PTPRD: variants seen among roughly 807,000 people sequenced by gnomAD.
PTPRD encodes the protein receptor-type tyrosine-protein phosphatase delta.
In PTPRD, 34 loss-of-function variants were observed where a neutral mutation model predicts 214.5. The ratio of observed to expected loss-of-function variants is 0.16; its 90% CI spans 0.12 to 0.21. The LOEUF is 0.21. Ranked by LOEUF, PTPRD falls within the 10% of genes least tolerant of loss-of-function variation. The pLI, the probability that PTPRD is intolerant of heterozygous loss-of-function variation, is 1.00. For synonymous variants in PTPRD, 1,128 were observed against 845.7 expected (o/e 1.33, Z -5.79); for missense variants, 2,545 against 2,398.7 (o/e 1.06, Z -1.27).
At chr9:10,505,568 C>T (rs12682884) in intron 2 of PTPRD, among the ~76,000 whole-genome samples, 27,035 of 151,858 alleles carry the variant, frequency 0.18, 3,026 homozygotes, top group African/African-American at 0.31. Context: ...TGTTAGGAAA[C>T]ATCGGATTGC....
At chr9:8,712,610 C>T (rs947074821) in intron 12 of PTPRD, among the ~76,000 whole-genome samples, 7 of 152,196 alleles carry the variant, frequency 4.6e-5, no homozygotes, top group African/African-American at 1.7e-4. Flanking sequence ...ACAGGTAGTT[C>T]CAGCAGGGGA....
chr9:8,880,291 G>A (rs1047463481), intron 11 of PTPRD, among the ~76,000 whole-genome samples: 2 of 152,146 alleles, frequency 1.3e-5, no homozygotes, highest in African/African-American at 4.8e-5. Flanking sequence ...TGAGAGATAA[G>A]AAGGGATTGT....
At chr9:10,172,122 CA>C (rs1260747218) in intron 3 of PTPRD, among the ~76,000 whole-genome samples, 1 of 152,068 alleles carries the variant, frequency 6.6e-6, no homozygotes, top group Non-Finnish European at 1.5e-5. Flanking sequence ...CTTAAGGAGT[CA>C]AAATCTAAAG....
intron 3 of PTPRD, among the ~76,000 whole-genome samples, chr9:10,286,505 C>A (rs554663670): frequency 1.3e-5 from 2 of 152,020 alleles, no homozygotes; most frequent in African/African-American, 4.8e-5. Context: ...GCAAAAGGTT[C>A]TTAGCCTTAA....
intron 3 of PTPRD, among the ~76,000 whole-genome samples, chr9:10,321,086 A>C (rs891991456): frequency 2.0e-5 from 3 of 152,060 alleles, no homozygotes; most frequent in Admixed American, 2.0e-4. Flanking sequence ...TGGGTGGAAA[A>C]CAAGATAGCC....
chr9:8,449,114 A>G (rs767874905), intron 34 of PTPRD, among the ~76,000 whole-genome samples: 1 of 152,152 alleles, frequency 6.6e-6, no homozygotes, highest in Non-Finnish European at 1.5e-5. Context: ...TGAAGCACTT[A>G]ATGTTCTTTA....
chr9:9,807,271 A>G (rs1386085401), intron 5 of PTPRD, among the ~76,000 whole-genome samples: 1 of 152,120 alleles, frequency 6.6e-6, no homozygotes, highest in African/African-American at 2.4e-5. Context: ...AAGATACCCT[A>G]CAAATGTGCT....
At chr9:10,063,010 G>A (rs919487392) in intron 3 of PTPRD, among the ~76,000 whole-genome samples, 1 of 151,978 alleles carries the variant, frequency 6.6e-6, no homozygotes, top group African/African-American at 2.4e-5. Context: ...AAAAGACTGT[G>A]GAAACAGAAC....
intron 5 of PTPRD, among the ~76,000 whole-genome samples, chr9:9,912,961 T>C (rs866309127): frequency 1.3e-5 from 2 of 152,188 alleles, no homozygotes; most frequent in Non-Finnish European, 2.9e-5. Flanking sequence ...TCTTTCTTTA[T>C]GAATGCAAAT....
intron 5 of PTPRD, among the ~76,000 whole-genome samples, chr9:9,777,883 A>G (rs901133936): frequency 1.3e-5 from 2 of 152,156 alleles, no homozygotes; most frequent in African/African-American, 2.4e-5. Context: ...CTTCAACACA[A>G]TTACCCCAAA....
intron 5 of PTPRD, among the ~76,000 whole-genome samples, chr9:9,884,436 C>A (rs2070021713): frequency 6.6e-6 from 1 of 152,094 alleles, no homozygotes; most frequent in South Asian, 2.1e-4. Context: ...AGCCCTTCCT[C>A]AATATTATAG....
chr9:10,444,748 A>G (rs746493787), intron 2 of PTPRD, among the ~76,000 whole-genome samples: 8 of 151,960 alleles, frequency 5.3e-5, no homozygotes, highest in Non-Finnish European at 1.2e-4. Flanking sequence ...TAAATACAAT[A>G]AAGTGTAATA....
chr9:10,356,969 C>A (rs1001725326), intron 2 of PTPRD, among the ~76,000 whole-genome samples: 4 of 152,124 alleles, frequency 2.6e-5, no homozygotes, highest in Non-Finnish European at 5.9e-5. Context: ...GTGTGAGCCA[C>A]CACGCCCGGC....
rs185883277 is a variant in PTPRD at position 10,066,367 on chromosome 9, G to A, written c.-544-32577C>T. ...AATGGATTCCTGATTTACAACCATG[G>A]TTCCTTCTCTTGAGGAGAGGCCCTT... On this transcript the variant is annotated intron_variant, in intron 3 of 45. Coordinates refer to ENST00000381196, the MANE Select transcript of PTPRD (RefSeq NM_002839.4). Among the ~76,000 whole-genome samples, 10 of 151,174 alleles carry A rather than the reference G, an allele frequency of 6.6e-5. No homozygotes were observed. The East Asian group carries it at 1.2e-3, about 18-fold the overall frequency.
intron 2 of PTPRD, among the ~76,000 whole-genome samples, chr9:10,549,442 C>G (rs1566879798): frequency 1.3e-5 from 2 of 152,100 alleles, no homozygotes; most frequent in African/African-American, 4.8e-5. Context: ...AAATTAATCC[C>G]CTTCTCCCCC....
At chr9:8,327,099 A>G (rs1215022759) in intron 44 of PTPRD, among the ~76,000 whole-genome samples, 2 of 149,414 alleles carry the variant, frequency 1.3e-5, no homozygotes, top group Non-Finnish European at 3.0e-5. Context: ...TGCTCTTGTT[A>G]CTCTAGTTCA....
At chr9:10,212,727 C>G (rs1042019898) in intron 3 of PTPRD, among the ~76,000 whole-genome samples, 1 of 152,122 alleles carries the variant, frequency 6.6e-6, no homozygotes, top group Non-Finnish European at 1.5e-5. Context: ...ATTTTACAAT[C>G]TTGTTACTGT....
intron 3 of PTPRD, among the ~76,000 whole-genome samples, chr9:10,067,939 A>T (rs575271413): frequency 6.6e-6 from 1 of 152,030 alleles, no homozygotes; most frequent in East Asian, 1.9e-4. Flanking sequence ...CTGAACCTGA[A>T]GTTGGGAAGA....
At chr9:9,413,100 CTTTTTT>C (rs5896325) in intron 8 of PTPRD, among the ~76,000 whole-genome samples, 24 of 63,026 alleles carry the variant, frequency 3.8e-4, no homozygotes, top group East Asian at 3.3e-3. Context: ...CTTGCAGCTT[CTTTTTT>C]TTTTTTTTTT....
Sources: allele counts gnomAD v4.1 joint callset (sites outside exome capture counted in the v4.1 genomes callset), GRCh38; gene constraint gnomAD v4.1.1; transcripts MANE v1.5; gene names NCBI Gene and HGNC (gene_info 2026-07-23, HGNC 2026-07-21).